DYRK4: variants seen among roughly 807,000 people sequenced by gnomAD.
The protein encoded by DYRK4 is dual specificity tyrosine-phosphorylation-regulated kinase 4.
A neutral mutation model predicts 68.3 loss-of-function variants in DYRK4; 64 were observed. The ratio of observed to expected loss-of-function variants is 0.94; its 90% CI spans 0.77 to 1.15. The LOEUF (loss-of-function observed/expected upper bound fraction) is 1.15. Among genes scored for constraint, DYRK4 ranks in the 50% most tolerant of loss-of-function variants. The pLI, the probability that DYRK4 is intolerant of heterozygous loss-of-function variation, is 0.00. For synonymous variants in DYRK4, 274 were observed against 289.9 expected (o/e 0.95, Z 0.56); for missense variants, 740 against 764.7 (o/e 0.97, Z 0.38).
At chr12:4,572,288 T>G (rs1046768209) in intron 2 of DYRK4, among the ~76,000 whole-genome samples, 26 of 152,262 alleles carry the variant, frequency 1.7e-4, no homozygotes, top group Admixed American at 1.2e-3. Flanking sequence ...ATGGACTTTT[T>G]TTTGTTTGTT....
intron 10 of DYRK4, among the ~76,000 whole-genome samples, chr12:4,601,480 T>G (rs1945079188): frequency 6.6e-6 from 1 of 152,156 alleles, no homozygotes; most frequent in Non-Finnish European, 1.5e-5. Flanking sequence ...TTTAATAAAT[T>G]AACGCTGTAA....
At chr12:4,608,993 AGAGTCACT>A in intron 12 of DYRK4, among the ~76,000 whole-genome samples, 1 of 152,354 alleles carries the variant, frequency 6.6e-6, no homozygotes, top group African/African-American at 2.4e-5. Context: ...TGGATTAGGC[AGAGTCACT>A]GTGGGAAGAC....
intron 12 of DYRK4, among the ~76,000 whole-genome samples, chr12:4,609,740 G>T (rs1321653564): frequency 6.6e-6 from 1 of 152,152 alleles, no homozygotes; most frequent in Non-Finnish European, 1.5e-5. Flanking sequence ...TGAAGTGGGA[G>T]GGCTAAGGCC....
intron 6 of DYRK4, among the ~76,000 whole-genome samples, chr12:4,594,554 T>G (rs945165055): frequency 6.6e-6 from 1 of 152,158 alleles, no homozygotes; most frequent in Non-Finnish European, 1.5e-5. Flanking sequence ...TTAACTCTGA[T>G]TCAGCTAGAC....
chr12:4,607,145 C>T (rs1056820085), intron 11 of DYRK4, among the ~76,000 whole-genome samples, 182 bp from the exon 12 acceptor site: 3 of 152,166 alleles, frequency 2.0e-5, no homozygotes, highest in Non-Finnish European at 4.4e-5. Flanking sequence ...ATGAAACCAG[C>T]CCTGGATTAG....
chr12:4,603,449 A>C, intron 10 of DYRK4: 4 of 344,610 alleles, frequency 1.2e-5, no homozygotes, highest in East Asian at 4.6e-5. Flanking sequence ...TAATATTTCT[A>C]CTCCACACCG....
Position 4,567,976 on chromosome 12 carries a change from G to C in DYRK4, c.60G>C (p.Lys20Asn). 11 of 1,536,136 alleles carry C rather than the reference G, an allele frequency of 7.2e-6. No homozygotes were observed. The highest frequency in any genetic ancestry group is 6.1e-6 in the Non-Finnish European group (7 of 1,146,908). Residue 20 changes from lysine (K) to asparagine (N), a missense_variant, in exon 2 of 15, where the codon AAG (lysine) becomes AAC (asparagine). Physicochemically the swap from Lys to Asn is moderately conservative, Grantham distance 94 (BLOSUM62 0). Around this residue, in one of 3 missense-constraint regions of DYRK4, gnomAD observed 70 missense variants for 71.1 expected, o/e 0.98. Coordinates refer to ENST00000543431, the MANE Select transcript of DYRK4 (RefSeq NM_001394779.1). ...TGTKTQMDAK[K>N]PRKCDLTPFL... ...GCAGGACTCAAATGGATGCTAAAAAGCCAAGGAAATGTGATTTGACTCCCT... is the reference window on the plus strand; with the variant it reads ...GCAGGACTCAAATGGATGCTAAAAACCCAAGGAAATGTGATTTGACTCCCT...
chr12:4,569,024 A>T (rs1305485739), intron 2 of DYRK4, among the ~76,000 whole-genome samples: 1 of 152,178 alleles, frequency 6.6e-6, no homozygotes, highest in African/African-American at 2.4e-5. Context: ...CCTAGCAAAA[A>T]TCGTCCTCCT....
intron 12 of DYRK4, among the ~76,000 whole-genome samples, chr12:4,608,782 G>T (rs554816833): frequency 5.5e-4 from 84 of 152,274 alleles, no homozygotes; most frequent in African/African-American, 1.9e-3. Context: ...TGGTAATCAT[G>T]GCTGGAGCTT....
At chr12:4,609,650 C>T (rs1034207640) in intron 12 of DYRK4, among the ~76,000 whole-genome samples, 1 of 152,132 alleles carries the variant, frequency 6.6e-6, no homozygotes, top group African/African-American at 2.4e-5. Context: ...ATTACATGAT[C>T]ATGACTTTAG....
At chr12:4,571,646 G>A (rs1944731579) in intron 2 of DYRK4, among the ~76,000 whole-genome samples, 2 of 152,002 alleles carry the variant, frequency 1.3e-5, no homozygotes, top group Non-Finnish European at 2.9e-5. Context: ...TTTATCGTAT[G>A]CCAATTAATA....
intron 11 of DYRK4, among the ~76,000 whole-genome samples, chr12:4,606,939 G>A (rs950336289): frequency 1.3e-5 from 2 of 152,164 alleles, no homozygotes; most frequent in African/African-American, 4.8e-5. Flanking sequence ...ATGCTCATCC[G>A]GTGATTTTCA....
chr12:4,576,880 A>G (rs1470252326), intron 2 of DYRK4, among the ~76,000 whole-genome samples: 2 of 152,186 alleles, frequency 1.3e-5, no homozygotes, highest in Non-Finnish European at 2.9e-5. Context: ...TTGAATTTTA[A>G]GAGTACTTTG....
Position 4,590,343 on chromosome 12 carries a change from C to A in DYRK4, c.227C>A (p.Thr76Asn). The change falls in exon 4 of 15, where the codon ACT (threonine) becomes AAT (asparagine). Residue 76 changes from threonine (T) to asparagine (N), a missense_variant. Thr to Asn is a moderately conservative substitution (Grantham distance 65). Around this residue, in one of 3 missense-constraint regions of DYRK4, gnomAD observed 56 missense variants for 89.9 expected, o/e 0.62. Coordinates refer to ENST00000543431, the MANE Select transcript of DYRK4 (RefSeq NM_001394779.1). ...CTCCTTCTACAGAACACCAGTGTTA[C>A]TTCACTCCCCTTTGTGGACACCAAG... ...TQVFHKNTSVTSLPFVDTKGK... is the reference protein window; with the variant it reads ...TQVFHKNTSVNSLPFVDTKGK... The A allele has an allele frequency of 6.5e-7, 1 of 1,535,222 alleles. No individual in the cohort carries two copies. The highest frequency in any genetic ancestry group is 1.2e-5 in the South Asian group (1 of 83,796).
chr12:4,590,459 G>C lies in DYRK4; in HGVS notation c.324+19G>C, dbSNP rs1158138262. Reference sequence around the variant, plus strand: ...GTATCAGGTGAGTGCAGACGGACTGGACCCTGAGAAGGCAGGTGAAAGACC... The same window carrying C: ...GTATCAGGTGAGTGCAGACGGACTGCACCCTGAGAAGGCAGGTGAAAGACC... On this transcript the variant is annotated intron_variant, in intron 4 of 14. Coordinates refer to ENST00000543431, the MANE Select transcript of DYRK4 (RefSeq NM_001394779.1). The C allele has an allele frequency of 6.5e-7, 1 of 1,533,816 alleles. No homozygotes were observed. Among genetic ancestry groups the C allele is most frequent in the East Asian group, 2.4e-5 (1 of 40,902 alleles).
At chr12:4,600,290 C>T (rs1945066650) in intron 10 of DYRK4, among the ~76,000 whole-genome samples, 1 of 151,960 alleles carries the variant, frequency 6.6e-6, no homozygotes, top group South Asian at 2.1e-4. Flanking sequence ...CTTTCGGCTT[C>T]TATCAGGTTC....
At chr12:4,583,488 G>A (rs548702650) in intron 2 of DYRK4, among the ~76,000 whole-genome samples, 80 of 152,030 alleles carry the variant, frequency 5.3e-4, no homozygotes, top group African/African-American at 1.8e-3. Context: ...TAAGCCACTC[G>A]CTACCCCGTG....
chr12:4,604,900 C>T lies in DYRK4; in HGVS notation c.1127-14C>T. ...AGTTTGTCCCACGAGGTTTCTCTTA[C>T]TTTGCCTCCGCAGTATACACGTACA... On this transcript the variant is annotated splice_polypyrimidine_tract_variant and intron_variant, in intron 10 of 14. Coordinates refer to ENST00000543431, the MANE Select transcript of DYRK4 (RefSeq NM_001394779.1). 4 of 1,574,320 alleles carry T rather than the reference C, an allele frequency of 2.5e-6. No homozygotes were observed. The highest frequency in any genetic ancestry group is 1.7e-4 in the Middle Eastern group (1 of 5,882).
chr12:4,609,134 T>A (rs898398091), intron 12 of DYRK4, among the ~76,000 whole-genome samples: 3 of 152,188 alleles, frequency 2.0e-5, no homozygotes, highest in Non-Finnish European at 2.9e-5. Context: ...TTCATAGAGT[T>A]CCTTATTTCT....
Sources: allele counts gnomAD v4.1 joint callset (sites outside exome capture counted in the v4.1 genomes callset), GRCh38; gene constraint gnomAD v4.1.1; regional missense constraint gnomAD v4.1.1; transcripts MANE v1.5; gene names NCBI Gene and HGNC (gene_info 2026-07-23, HGNC 2026-07-21).